Variants in AKT2 observed in about 807,000 individuals in gnomAD.
AKT2 encodes AKT serine/threonine kinase 2.
A neutral mutation model predicts 58.6 loss-of-function variants in AKT2; 16 were observed. The observed-to-expected ratio is 0.27, with a 90% CI of 0.18 to 0.41. The LOEUF (loss-of-function observed/expected upper bound fraction) is 0.41, where lower values mean the gene tolerates loss of function less well. Ranked by LOEUF, AKT2 falls within the 10% of genes least tolerant of loss-of-function variation. The probability of loss-of-function intolerance (pLI) is 1.00; values close to 1 mark genes in which losing one functional copy is unlikely to be tolerated. For missense variants in AKT2, 438 were observed against 661.0 expected (o/e 0.66, Z 3.70); for synonymous variants, 253 against 254.0 (o/e 1.00, Z 0.04).
rs1973861719 is a variant in AKT2 at position 40,234,065 on chromosome 19, A to G, written c.1367-114T>C. On this transcript the variant is annotated intron_variant, in intron 13 of 13. Coordinates refer to ENST00000392038, the MANE Select transcript of AKT2 (RefSeq NM_001626.6). The surrounding 1 kb of genome is among the most constrained non-coding windows in gnomAD (Gnocchi z 4.7). ...GCGGGGGCTGCCCACAGGACAGGAC[A>G]GGAAAGGCCCATCCCTCCGCAATGG... 2 of 1,053,522 alleles carry G rather than the reference A, an allele frequency of 1.9e-6. No homozygotes were observed. The highest frequency in any genetic ancestry group is 3.2e-5 in the African/African-American group (2 of 63,170). The allele number at this position is 1,053,522 out of a possible 1,614,324, so 65.3% of individuals were successfully genotyped here. A position where few individuals can be genotyped will look rare whatever the true frequency, so the allele number is the denominator to read the frequency against.
chr19:40,271,248 T>G (rs752843973), intron 1 of AKT2, among the ~76,000 whole-genome samples: 1 of 146,296 alleles, frequency 6.8e-6, no homozygotes, highest in Non-Finnish European at 1.5e-5. Context: ...TATGTATATA[T>G]ACACGTATAT....
chr19:40,240,140 T>G (rs1434427779), intron 6 of AKT2, 30 bp from the exon 7 acceptor site: 1 of 1,612,042 alleles, frequency 6.2e-7, no homozygotes, highest in Non-Finnish European at 8.5e-7. Context: ...GAGGGGCTGG[T>G]GGGCAACACC....
chr19:40,274,646 G>A (rs1029445473), intron 1 of AKT2: 3 of 235,866 alleles, frequency 1.3e-5, no homozygotes, highest in Admixed American at 4.9e-5. Flanking sequence ...GGCGCACTGA[G>A]GCAGCGCAGT....
intron 2 of AKT2, among the ~76,000 whole-genome samples, chr19:40,258,716 G>T (rs895081768): frequency 6.6e-6 from 1 of 150,618 alleles, no homozygotes; most frequent in Non-Finnish European, 1.5e-5. Context: ...CCAAGGGGGT[G>T]AAGGGCTTGT....
At chr19:40,262,880 A>T (rs1976063722) in intron 2 of AKT2, among the ~76,000 whole-genome samples, 1 of 152,166 alleles carries the variant, frequency 6.6e-6, no homozygotes, top group South Asian at 2.1e-4. Context: ...GTGGGGTGGT[A>T]CAGGTCCCAA....
rs1973742056 is a variant in AKT2, at chr19:40,232,312, G to GT, written c.*1559dup. On this transcript the variant is annotated 3_prime_UTR_variant, in exon 14 of 14. Coordinates refer to ENST00000392038, the MANE Select transcript of AKT2 (RefSeq NM_001626.6). ...CAAAGCCCAGAGTGGTTGGGCTGGC[G>GT]TGAGTGCAGGCTGGGCCCTGGTCTG... is the stretch of plus-strand genomic sequence containing the variant. 1.7e-5 allele frequency: 4 copies of GT among 233,922 alleles called. No homozygotes were observed. The highest frequency in any genetic ancestry group is 6.0e-5 in the East Asian group (1 of 16,594). The allele number at this position is 233,922 out of a possible 1,614,324, so 14.5% of individuals were successfully genotyped here.
chr19:40,248,057 G>A (rs1379210767), intron 4 of AKT2, among the ~76,000 whole-genome samples: 1 of 152,124 alleles, frequency 6.6e-6, no homozygotes, highest in Non-Finnish European at 1.5e-5. Flanking sequence ...CACCCAATGC[G>A]CTGCCTGCCT....
chr19:40,260,847 C>T (rs907254831), intron 2 of AKT2, among the ~76,000 whole-genome samples: 2 of 152,162 alleles, frequency 1.3e-5, no homozygotes, highest in South Asian at 2.1e-4. Context: ...ACTCTGGAGG[C>T]TGAGGCAGGA....
intron 7 of AKT2, 90 bp downstream of exon 7, chr19:40,239,955 C>T (rs1189434099): frequency 6.7e-7 from 1 of 1,501,466 alleles, no homozygotes. Flanking sequence ...TACCCCAAGA[C>T]TGTGCTTTGT....
chr19:40,255,183 A>G lies in AKT2; in HGVS notation c.262T>C (p.Phe88Leu), dbSNP rs1489834693. Residue 88 changes from phenylalanine (F) to leucine (L), a missense_variant, in exon 4 of 14, where the codon TTC (phenylalanine) becomes CTC (leucine). Phe to Leu is a conservative substitution (Grantham distance 22). Coordinates refer to ENST00000392038, the MANE Select transcript of AKT2 (RefSeq NM_001626.6). The stretch of plus-strand genomic sequence containing the variant: ...CTCTCGTCTGGAGAATCCACGTGGA[A>G]GGTCCTCTCGATGACTGTGGTCCAC... ...LQWTTVIERT[F>L]HVDSPDEREE... 6.2e-7 allele frequency: 1 copy of G among 1,614,000 alleles called. No individual in the cohort carries two copies. Among genetic ancestry groups the G allele is most frequent in the South Asian group, 1.1e-5 (1 of 91,080 alleles).
intron 1 of AKT2, 37 bp downstream of exon 1, chr19:40,285,144 G>A (rs1032538349): frequency 1.4e-4 from 56 of 389,894 alleles, no homozygotes; most frequent in Admixed American, 4.9e-4. Context: ...CGACCATCGT[G>A]GGGGGGGCGT....
intron 4 of AKT2, among the ~76,000 whole-genome samples, chr19:40,249,324 T>C (rs2145250955): frequency 6.6e-6 from 1 of 152,196 alleles, no homozygotes; most frequent in East Asian, 1.9e-4. Flanking sequence ...GTAAGAAAGG[T>C]ACCAGTGCTG....
intron 2 of AKT2, among the ~76,000 whole-genome samples, chr19:40,259,829 A>G (rs1975808907): frequency 6.6e-6 from 1 of 152,252 alleles, no homozygotes; most frequent in Admixed American, 6.5e-5. Flanking sequence ...GATGTTCAGC[A>G]TCATTAGTCA....
Position 40,237,930 on chromosome 19 carries a change from C to A in AKT2, c.831+39G>T, listed in dbSNP as rs368896240. On this transcript the variant is annotated intron_variant, in intron 9 of 13. Coordinates refer to ENST00000392038, the MANE Select transcript of AKT2 (RefSeq NM_001626.6). This position sits in a 1 kb window ranked among gnomAD's most constrained non-coding sequence, Gnocchi z 4.5. ...CCCAGTGTGAGTCCCATGTGGTGTG[C>A]ATGCCACAGGTCAGCCTGGCGCACA... 2.5e-6 allele frequency: 4 copies of A among 1,609,632 alleles called. No individual in the cohort carries two copies. The African/African-American group carries it at 4.0e-5, about 16-fold the overall frequency.
chr19:40,249,675 T>C (rs1394974127), intron 4 of AKT2, among the ~76,000 whole-genome samples: 4 of 152,236 alleles, frequency 2.6e-5, no homozygotes, highest in East Asian at 1.9e-4. Context: ...TGTGCACAGA[T>C]AGTCTGCCTT....
At chr19:40,255,088 A>T (rs1975442736) in intron 4 of AKT2, 70 bp downstream of exon 4, 1 of 1,262,914 alleles carries the variant, frequency 7.9e-7, no homozygotes, top group Non-Finnish European at 1.2e-6. Flanking sequence ...AAATCTCTCC[A>T]GCTGTACCTT....
At position 40,233,448 on chromosome 19, in the gene AKT2, CACT is replaced by C. The variant is rs1037397303; in HGVS notation, c.*421_*423del. 1 of 516,678 alleles carries C rather than the reference CACT, an allele frequency of 1.9e-6. No individual in the cohort carries two copies. The highest frequency in any genetic ancestry group is 1.9e-5 in the African/African-American group (1 of 53,732). 32.0% of individuals were successfully genotyped at this position (516,678 alleles called of 1,614,324 possible). Reference sequence around the variant, plus strand: ...GGCCACGGGGCCTGGAAGGCAGCACCACTGTCTGCCGGGTGTCGCGTCCCACCA... The same window carrying C: ...GGCCACGGGGCCTGGAAGGCAGCACCGTCTGCCGGGTGTCGCGTCCCACCA... On this transcript the variant is annotated 3_prime_UTR_variant, in exon 14 of 14. Transcript: ENST00000392038. This position sits in a 1 kb window ranked among gnomAD's most constrained non-coding sequence, Gnocchi z 4.3.
intron 1 of AKT2, among the ~76,000 whole-genome samples, chr19:40,275,761 G>C (rs1308724695): frequency 1.2e-5 from 1 of 85,270 alleles, no homozygotes; most frequent in Non-Finnish European, 2.6e-5. Flanking sequence ...CACTTTGGGA[G>C]GCTGGGGGGG....
chr19:40,255,325 C>T, intron 3 of AKT2, 56 bp from the exon 4 acceptor site: 3 of 1,487,428 alleles, frequency 2.0e-6, no homozygotes, highest in East Asian at 2.3e-5. Flanking sequence ...TGCTAGCCTG[C>T]AGCCCAAAGT....
Sources: allele counts gnomAD v4.1 joint callset (sites outside exome capture counted in the v4.1 genomes callset), GRCh38; gene constraint gnomAD v4.1.1; non-coding constraint Gnocchi (gnomAD v3.1); transcripts MANE v1.5; gene names NCBI Gene and HGNC (gene_info 2026-07-23, HGNC 2026-07-21).